Variants in MSH4 observed in about 807,000 individuals in gnomAD.
MSH4 encodes the protein mutS homolog 4.
Under a neutral mutation model 113.7 loss-of-function variants are expected in MSH4, and 106 were observed. The ratio of observed to expected loss-of-function variants is 0.93; its 90% CI spans 0.80 to 1.10. The LOEUF (loss-of-function observed/expected upper bound fraction) is 1.10, where lower values mean the gene tolerates loss of function less well. MSH4 is among the 50% of genes least tolerant of loss of function. MSH4 has a pLI of 0.00. For synonymous variants in MSH4, 368 were observed against 380.2 expected, an observed-to-expected ratio of 0.97 and a Z score of 0.37; for missense variants, 1,061 against 1,093.7, an observed-to-expected ratio of 0.97 and a Z score of 0.42.
intron 7 of MSH4, among the ~76,000 whole-genome samples, chr1:75,840,187 A>G (rs1186781125): frequency 1.3e-5 from 2 of 148,634 alleles, no homozygotes; most frequent in African/African-American, 2.5e-5. Flanking sequence ...CCAAAGGACT[A>G]TAAATCATGC....
chr1:75,889,000 T>G (rs1353689395), intron 15 of MSH4, among the ~76,000 whole-genome samples: 1 of 151,516 alleles, frequency 6.6e-6, no homozygotes, highest in Non-Finnish European at 1.5e-5. Flanking sequence ...GTTCACGCCA[T>G]TCTCCTGCCT....
chr1:75,862,702 C>G (rs532817423), intron 8 of MSH4, among the ~76,000 whole-genome samples: 1 of 152,176 alleles, frequency 6.6e-6, no homozygotes, highest in East Asian at 1.9e-4. Context: ...TTAATATAAG[C>G]ACAAATCTCT....
intron 6 of MSH4, 43 bp downstream of exon 6, chr1:75,816,589 A>G (rs767540110): frequency 8.6e-7 from 1 of 1,163,024 alleles, no homozygotes; most frequent in East Asian, 3.0e-5. Context: ...ATCGGTATAT[A>G]TATATTTTTC....
At chr1:75,908,148 GTT>G (rs774325755) in intron 19 of MSH4, among the ~76,000 whole-genome samples, 2 of 129,426 alleles carry the variant, frequency 1.5e-5, no homozygotes, top group Admixed American at 1.6e-4. Flanking sequence ...ACTTTCATCT[GTT>G]TTTTTTTTTT....
chr1:75,897,838 C>A, intron 17 of MSH4, 69 bp from the exon 18 acceptor site: 2 of 1,024,332 alleles, frequency 2.0e-6, no homozygotes, highest in Admixed American at 3.4e-5. Flanking sequence ...TTTATGTTCA[C>A]ATAGTTAAAA....
At chr1:75,906,809 T>TA (rs1165109986) in intron 19 of MSH4, among the ~76,000 whole-genome samples, 8 of 149,980 alleles carry the variant, frequency 5.3e-5, no homozygotes, top group Non-Finnish European at 8.9e-5. Context: ...TGTCTGTAGT[T>TA]ACTATTTTCA....
At chr1:75,848,496 A>G (rs953569906) in intron 8 of MSH4, among the ~76,000 whole-genome samples, 4 of 152,208 alleles carry the variant, frequency 2.6e-5, no homozygotes, top group African/African-American at 9.7e-5. Context: ...ATGGTGGCTC[A>G]TGCCTATAAT....
rs1358616807 is a variant in MSH4 at position 75,839,730 on chromosome 1, C to A, written c.1163-8479C>A. ...AGAAACTACCATCAGAGTGAACAGG[C>A]AACCTACAAAATGGGAGAAAATTTT... On this transcript the variant is annotated intron_variant, in intron 7 of 19. Coordinates refer to ENST00000263187, the MANE Select transcript of MSH4 (RefSeq NM_002440.4). Among the ~76,000 whole-genome samples, 5 of 148,618 alleles carry A rather than the reference C, an allele frequency of 3.4e-5. No individual in the cohort carries two copies. The South Asian group carries it at 6.7e-4, about 20-fold the overall frequency.
At chr1:75,906,548 A>G (rs868725104) in intron 19 of MSH4, among the ~76,000 whole-genome samples, 20 of 27,250 alleles carry the variant, frequency 7.3e-4, no homozygotes, top group East Asian at 3.1e-3. Context: ...TATATAATAT[A>G]TAATATATTA....
At chr1:75,863,757 C>T (rs1453811505) in intron 8 of MSH4, among the ~76,000 whole-genome samples, 2 of 152,178 alleles carry the variant, frequency 1.3e-5, no homozygotes, top group Non-Finnish European at 2.9e-5. Flanking sequence ...CAGATGAACA[C>T]ACTCATTTCT....
intron 14 of MSH4, among the ~76,000 whole-genome samples, chr1:75,882,422 T>C (rs548143099): frequency 6.6e-6 from 1 of 152,160 alleles, no homozygotes; most frequent in South Asian, 2.1e-4. Context: ...TTCACCCTCT[T>C]CCTCCTCCCC....
chr1:75,881,466 A>C, intron 14 of MSH4, 96 bp downstream of exon 14: 2 of 1,311,682 alleles, frequency 1.5e-6, no homozygotes, highest in Non-Finnish European at 2.1e-6. Flanking sequence ...AAAATTTTTA[A>C]CTTGAAATAG....
chr1:75,830,821 G>A (rs1224169415), intron 7 of MSH4, among the ~76,000 whole-genome samples: 1 of 152,184 alleles, frequency 6.6e-6, no homozygotes, highest in African/African-American at 2.4e-5. Context: ...ACCAGTACCA[G>A]CCACTGCAAA....
At chr1:75,906,974 C>T (rs1045645040) in intron 19 of MSH4, among the ~76,000 whole-genome samples, 1 of 151,924 alleles carries the variant, frequency 6.6e-6, no homozygotes, top group Admixed American at 6.6e-5. Context: ...GCTGGGACTA[C>T]AGGCGCCCAC....
intron 8 of MSH4, among the ~76,000 whole-genome samples, chr1:75,861,147 A>G (rs12568447): frequency 0.23 from 31,975 of 142,104 alleles, 3,539 homozygotes; most frequent in Middle Eastern, 0.3. Context: ...TGGTTATTCT[A>G]GTTAGCCATT....
Position 75,889,354 on chromosome 1 carries a change from G to T in MSH4, c.2211G>T (p.Met737Ile). The T allele has an allele frequency of 1.4e-6, 2 of 1,438,198 alleles. No homozygotes were observed. Among genetic ancestry groups the T allele is most frequent in the South Asian group, 1.3e-5 (1 of 79,332 alleles). The allele number at this position is 1,438,198 out of a possible 1,614,324, so 89.1% of individuals were successfully genotyped here. The change falls in exon 16 of 20, where the codon ATG becomes ATT. Residue 737 changes from methionine (M) to isoleucine (I), a missense_variant. Physicochemically the swap from Met to Ile is conservative, Grantham distance 10. Transcript: ENST00000263187. ...DDIETNSSTF[M>I]KEMKEIAYIL... ...TCGAAACAAATTCATCAACATTTAT[G>T]AAAGAAATGAAAGAGGTACCCAAAC...
Position 75,821,357 on chromosome 1 carries a change from C to T in MSH4, c.990-1052C>T, listed in dbSNP as rs1293811339. Among the ~76,000 whole-genome samples, 22 of 151,346 alleles carry T rather than the reference C, an allele frequency of 1.5e-4. No homozygotes were observed. The South Asian group carries it at 3.4e-3, about 23-fold the overall frequency. On this transcript the variant is annotated intron_variant, in intron 6 of 19. Coordinates refer to ENST00000263187, the MANE Select transcript of MSH4 (RefSeq NM_002440.4). ...AAATAAAGATGTTCTTTGAAACCAA[C>T]GAGAACAAAGACACAACATACCAGA...
At chr1:75,842,772 T>G (rs1007491563) in intron 7 of MSH4, among the ~76,000 whole-genome samples, 3 of 152,024 alleles carry the variant, frequency 2.0e-5, no homozygotes, top group African/African-American at 7.2e-5. Flanking sequence ...GTAGCATAAG[T>G]GTCAAGGGAA....
At chr1:75,818,236 A>T (rs1436968433) in intron 6 of MSH4, among the ~76,000 whole-genome samples, 1 of 152,146 alleles carries the variant, frequency 6.6e-6, no homozygotes, top group Non-Finnish European at 1.5e-5. Flanking sequence ...CTCTCCTTAC[A>T]TTTACAATAG....
Sources: gnomAD v4.1 joint callset for allele counts (sites outside exome capture counted in the v4.1 genomes callset) on GRCh38, gnomAD v4.1.1 for gene constraint, MANE v1.5 for transcripts, NCBI Gene and HGNC (gene_info 2026-07-23, HGNC 2026-07-21) for gene names.